The following GTF2F2 variants were observed in gnomAD, a reference collection of about 807,000 sequenced individuals.
The protein encoded by GTF2F2 is general transcription factor IIF subunit 2.
A neutral mutation model predicts 42.2 loss-of-function variants in GTF2F2; 23 were observed. That is an observed-to-expected ratio of 0.55 (90% CI 0.39 to 0.77). The LOEUF is 0.77. Ranked by LOEUF, GTF2F2 falls within the 30% of genes least tolerant of loss-of-function variation. The probability of loss-of-function intolerance (pLI) is 0.00; values close to 1 mark genes in which losing one functional copy is unlikely to be tolerated. For missense variants in GTF2F2, 261 were observed against 287.2 expected, an observed-to-expected ratio of 0.91 and a Z score of 0.66; for synonymous variants, 105 against 100.8, an observed-to-expected ratio of 1.04 and a Z score of -0.25.
intron 4 of GTF2F2, among the ~76,000 whole-genome samples, chr13:45,197,351 A>C (rs1872948392): frequency 6.6e-6 from 1 of 151,230 alleles, no homozygotes; most frequent in African/African-American, 2.4e-5. Context: ...TAAAAAAAAA[A>C]AAAAAAATTA....
At chr13:45,137,319 A>T (rs79696780) in intron 2 of GTF2F2, among the ~76,000 whole-genome samples, 7,904 of 152,290 alleles carry the variant, frequency 0.052, 271 homozygotes, top group East Asian at 0.12. Flanking sequence ...AGCTAGTGTC[A>T]GCTGGAGGCC....
At chr13:45,152,520 T>A (rs1870550001) in intron 4 of GTF2F2, among the ~76,000 whole-genome samples, 1 of 152,256 alleles carries the variant, frequency 6.6e-6, no homozygotes, top group Admixed American at 6.5e-5. Context: ...TGAGTTGTAC[T>A]TAAAAAATAC....
intron 5 of GTF2F2, among the ~76,000 whole-genome samples, chr13:45,244,018 A>G (rs950182688): frequency 1.3e-5 from 2 of 152,314 alleles, no homozygotes; most frequent in African/African-American, 2.4e-5. Context: ...ATCTGCAGGT[A>G]CCCAATATGC....
chr13:45,173,603 A>G lies in GTF2F2; in HGVS notation c.304+21772A>G, dbSNP rs532692890. ...TGACTGATCTGTTCTGCATTTTTAT[A>G]ACTTTGTCATTTTTTTTTTTTTTTT... On this transcript the variant is annotated intron_variant, in intron 4 of 7. Transcript: ENST00000340473. Among the ~76,000 whole-genome samples the G allele has an allele frequency of 8.6e-4, 126 of 146,380 alleles. 1 individual carries two copies. In the South Asian group the frequency reaches 0.026, roughly 31 times the overall value.
At chr13:45,226,448 T>G (rs990333157) in intron 5 of GTF2F2, among the ~76,000 whole-genome samples, 1 of 152,192 alleles carries the variant, frequency 6.6e-6, no homozygotes, top group Non-Finnish European at 1.5e-5. Flanking sequence ...TTCTTATACA[T>G]CATAGGGTCT....
intron 3 of GTF2F2, 71 bp from the exon 4 acceptor site, chr13:45,151,616 T>A (rs941071334): frequency 1.0e-6 from 1 of 966,880 alleles, no homozygotes; most frequent in Non-Finnish European, 1.5e-6. Flanking sequence ...ATTTGATTTA[T>A]AACAAAAATT....
At chr13:45,136,831 A>G (rs1463685170) in intron 2 of GTF2F2, 25 bp downstream of exon 2, 3 of 1,329,308 alleles carry the variant, frequency 2.3e-6, no homozygotes, top group Non-Finnish European at 3.2e-6. Context: ...TATTCTTGAC[A>G]TTTTAAAAAG....
intron 5 of GTF2F2, among the ~76,000 whole-genome samples, chr13:45,238,562 C>T (rs1425676483): frequency 3.3e-5 from 5 of 151,990 alleles, no homozygotes; most frequent in Non-Finnish European, 7.4e-5. Flanking sequence ...GTCACACACA[C>T]ATTTATTTTG....
chr13:45,216,368 T>C (rs2138199907), intron 5 of GTF2F2, among the ~76,000 whole-genome samples: 1 of 152,282 alleles, frequency 6.6e-6, no homozygotes, highest in South Asian at 2.1e-4. Context: ...TGTCTCACCC[T>C]GAACATCTCT....
At chr13:45,220,957 G>GTGTGTC (rs1388562039) in intron 5 of GTF2F2, 1 of 150,582 alleles carries the variant, frequency 6.6e-6, no homozygotes, top group African/African-American at 2.5e-5. Context: ...GTGTGTGTGT[G>GTGTGTC]TGTGTGTGTG....
chr13:45,267,519 A>G (rs1876618031), intron 7 of GTF2F2, 143 bp downstream of exon 7: 2 of 549,358 alleles, frequency 3.6e-6, no homozygotes, highest in Non-Finnish European at 6.3e-6. Flanking sequence ...AGATGTCTTA[A>G]TGCAGCCATT....
At chr13:45,196,946 A>G (rs1399524232) in intron 4 of GTF2F2, among the ~76,000 whole-genome samples, 2 of 152,044 alleles carry the variant, frequency 1.3e-5, no homozygotes, top group African/African-American at 4.8e-5. Flanking sequence ...CAGGTTTTCA[A>G]AACCACTGAT....
chr13:45,124,549 G>A (rs1868871240), intron 1 of GTF2F2, among the ~76,000 whole-genome samples: 1 of 151,620 alleles, frequency 6.6e-6, no homozygotes, highest in South Asian at 2.1e-4. Context: ...GTAGAGATGG[G>A]GTTTATTTTG....
chr13:45,233,382 A>G (rs1240822286), intron 5 of GTF2F2, among the ~76,000 whole-genome samples: 2 of 152,248 alleles, frequency 1.3e-5, no homozygotes, highest in African/African-American at 4.8e-5. Flanking sequence ...TAATTTCATA[A>G]TTAACCAGAA....
At chr13:45,156,402 G>C (rs1176697901) in intron 4 of GTF2F2, among the ~76,000 whole-genome samples, 2 of 152,172 alleles carry the variant, frequency 1.3e-5, no homozygotes, top group African/African-American at 2.4e-5. Flanking sequence ...AGCCTTCAAG[G>C]ATCCAATTCT....
intron 5 of GTF2F2, among the ~76,000 whole-genome samples, chr13:45,233,962 T>C (rs1874819114): frequency 6.6e-6 from 1 of 152,118 alleles, no homozygotes. Flanking sequence ...AAAAAAATAA[T>C]ATAGGAGTTT....
intron 4 of GTF2F2, among the ~76,000 whole-genome samples, chr13:45,179,666 G>A (rs1027466679): frequency 2.0e-5 from 3 of 152,076 alleles, no homozygotes; most frequent in African/African-American, 7.2e-5. Context: ...TCCTTGTATT[G>A]GCTCATGACC....
chr13:45,198,198 A>T (rs908360647), intron 4 of GTF2F2, among the ~76,000 whole-genome samples: 1 of 152,244 alleles, frequency 6.6e-6, no homozygotes, highest in Admixed American at 6.5e-5. Context: ...CTAATGTCCT[A>T]CCATCTGCAT....
intron 5 of GTF2F2, among the ~76,000 whole-genome samples, chr13:45,227,588 G>A (rs1216661897): frequency 6.6e-6 from 1 of 152,250 alleles, no homozygotes; most frequent in East Asian, 1.9e-4. Context: ...CTTTCTCTGT[G>A]ATAGTCTTGC....
Sources: gnomAD v4.1 joint callset for allele counts (sites outside exome capture counted in the v4.1 genomes callset) on GRCh38, gnomAD v4.1.1 for gene constraint, MANE v1.5 for transcripts, NCBI Gene and HGNC (gene_info 2026-07-23, HGNC 2026-07-21) for gene names.